Variants in CLTCL1 observed in about 807,000 individuals in gnomAD.
CLTCL1 encodes the protein clathrin heavy chain 2.
Under a neutral mutation model 190.0 loss-of-function variants are expected in CLTCL1, and 159 were observed. The ratio of observed to expected loss-of-function variants is 0.84; its 90% CI spans 0.74 to 0.95. The LOEUF (loss-of-function observed/expected upper bound fraction) is 0.95. CLTCL1 is among the 40% of genes least tolerant of loss of function. The probability of loss-of-function intolerance (pLI) is 0.00; values close to 1 mark genes in which losing one functional copy is unlikely to be tolerated. For missense variants in CLTCL1, 1,878 were observed against 2,033.4 expected (o/e 0.92, Z 1.47); for synonymous variants, 752 against 769.6 (o/e 0.98, Z 0.38).
intron 2 of CLTCL1, among the ~76,000 whole-genome samples, chr22:19,262,996 A>T (rs2087000880): frequency 6.7e-6 from 1 of 150,236 alleles, no homozygotes. Flanking sequence ...ACGCCACTGC[A>T]CTCCAGCCTG....
intron 20 of CLTCL1, 200 bp from the exon 21 acceptor site, chr22:19,209,314 G>A (rs1040987985): frequency 1.0e-5 from 5 of 489,270 alleles, no homozygotes; most frequent in Admixed American, 3.6e-5. Context: ...GGGGGATGCC[G>A]AACAAAGAAG....
chr22:19,263,850 G>A (rs1044707121), intron 2 of CLTCL1, among the ~76,000 whole-genome samples: 1 of 152,046 alleles, frequency 6.6e-6, no homozygotes, highest in Non-Finnish European at 1.5e-5. Context: ...ACTCACTATT[G>A]TAATATTCTT....
chr22:19,271,203 A>G (rs1555980526), intron 2 of CLTCL1, among the ~76,000 whole-genome samples: 1 of 152,174 alleles, frequency 6.6e-6, no homozygotes, highest in Non-Finnish European at 1.5e-5. Context: ...AGAGATACAT[A>G]TAAATACTGA....
intron 3 of CLTCL1, among the ~76,000 whole-genome samples, chr22:19,250,131 G>A (rs978457533): frequency 6.6e-6 from 1 of 151,838 alleles, no homozygotes; most frequent in Admixed American, 6.6e-5. Context: ...GCACACACCT[G>A]TAGTCCCAGC....
intron 1 of CLTCL1, 149 bp from the exon 2 acceptor site, chr22:19,275,979 G>A (rs577915716): frequency 3.0e-5 from 20 of 676,780 alleles, no homozygotes; most frequent in African/African-American, 1.1e-4. Context: ...GCTTTTCTAC[G>A]CCTGTAATAG....
intron 22 of CLTCL1, among the ~76,000 whole-genome samples, chr22:19,203,269 C>G (rs1369507389): frequency 1.3e-5 from 2 of 152,154 alleles, no homozygotes; most frequent in East Asian, 3.8e-4. Flanking sequence ...GAGCTGAGAT[C>G]GCACCACTGC....
rs190959211 is a variant in CLTCL1, at chr22:19,180,842, A to C, written c.4828-36T>G. On this transcript the variant is annotated intron_variant, in intron 30 of 32. Coordinates refer to ENST00000427926, the MANE Select transcript of CLTCL1 (RefSeq NM_007098.4). ...GCAAAAGCACGTGAGCACCCGCTTG[A>C]CAGAGTGCAGTCCGGCCTCTAGGTG... 6.1e-4 allele frequency: 980 copies of C among 1,596,662 alleles called. 7 individuals carry two copies. The African/African-American group carries it at 0.011, about 18-fold the overall frequency.
At chr22:19,196,051 C>T (rs534572141) in intron 26 of CLTCL1, among the ~76,000 whole-genome samples, 9 of 152,160 alleles carry the variant, frequency 5.9e-5, no homozygotes, top group African/African-American at 9.6e-5. Context: ...AGCTGTGCAT[C>T]GCTAGACGGG....
At chr22:19,189,346 T>A (rs1252563708) in intron 27 of CLTCL1, among the ~76,000 whole-genome samples, 24 of 152,264 alleles carry the variant, frequency 1.6e-4, no homozygotes, top group African/African-American at 5.5e-4. Context: ...CAATGCTCTT[T>A]GATAGCACTG....
intron 2 of CLTCL1, among the ~76,000 whole-genome samples, chr22:19,261,909 T>C (rs2086961015): frequency 6.6e-6 from 1 of 152,222 alleles, no homozygotes; most frequent in South Asian, 2.1e-4. Flanking sequence ...CTGGAAGAAG[T>C]CTACTGTGGG....
At chr22:19,213,553 T>A (rs1158566088) in intron 19 of CLTCL1, among the ~76,000 whole-genome samples, 2 of 152,130 alleles carry the variant, frequency 1.3e-5, no homozygotes, top group African/African-American at 4.8e-5. Context: ...GGTGAAGAGA[T>A]CCTGTGGTAC....
chr22:19,283,532 C>T (rs959726443), intron 1 of CLTCL1, among the ~76,000 whole-genome samples: 1 of 152,072 alleles, frequency 6.6e-6, no homozygotes. Context: ...CCACTTTCCT[C>T]GGCCTCCCAA....
chr22:19,221,339 C>CA, intron 17 of CLTCL1, 38 bp downstream of exon 17: 1 of 1,481,786 alleles, frequency 6.7e-7, no homozygotes, highest in African/African-American at 1.4e-5. Context: ...CCTGGGAGCC[C>CA]AGGGTTACAT....
intron 2 of CLTCL1, chr22:19,257,896 A>T: frequency 1.5e-6 from 2 of 1,358,244 alleles, no homozygotes; most frequent in African/African-American, 1.5e-5. Context: ...CAGGTCAGAG[A>T]CTGGGCCATT....
intron 1 of CLTCL1, among the ~76,000 whole-genome samples, chr22:19,285,254 A>G (rs2087865595): frequency 3.3e-5 from 5 of 152,108 alleles, no homozygotes; most frequent in Admixed American, 3.3e-4. Flanking sequence ...CAGCCTGGGC[A>G]ACAGAACAAG....
chr22:19,196,751 G>A (rs2084722155), intron 24 of CLTCL1, 95 bp from the exon 25 acceptor site: 3 of 1,373,792 alleles, frequency 2.2e-6, no homozygotes, highest in Non-Finnish European at 3.0e-6. Flanking sequence ...CTGTGCTTGT[G>A]ACTGGGAATG....
intron 22 of CLTCL1, among the ~76,000 whole-genome samples, chr22:19,207,303 C>T (rs1401960086): frequency 1.3e-5 from 2 of 152,168 alleles, no homozygotes; most frequent in Non-Finnish European, 2.9e-5. Flanking sequence ...AGGCATGAGC[C>T]ACCATGCCCA....
In CLTCL1 at chr22:19,196,608, C is replaced by G. The variant is rs1304287874; in HGVS notation, c.3922G>C (p.Gly1308Arg). 3 of 1,613,568 alleles carry G rather than the reference C, an allele frequency of 1.9e-6. No individual in the cohort carries two copies. Among genetic ancestry groups the G allele is most frequent in the Non-Finnish European group, 2.5e-6 (3 of 1,179,784 alleles). The change falls in exon 25 of 33, where the codon GGC (glycine) becomes CGC (arginine). Residue 1308 changes from glycine (G) to arginine (R), a missense_variant. Gly to Arg is a moderately radical substitution (Grantham distance 125). Coordinates refer to ENST00000427926, the MANE Select transcript of CLTCL1 (RefSeq NM_007098.4). The part of the protein sequence containing the change: ...ELILLLEAAL[G>R]LERAHMGMFT... ...ATGCCCATGTGGGCCCGCTCCAGGC[C>G]CAGGGCCGCTTCCAACAGCAAGATC...
intron 1 of CLTCL1, among the ~76,000 whole-genome samples, chr22:19,285,159 C>T (rs2087861542): frequency 6.6e-6 from 1 of 150,388 alleles, no homozygotes; most frequent in Admixed American, 6.6e-5. Context: ...CCTGTAGTCC[C>T]AGCTACTCGG....
Sources: allele counts gnomAD v4.1 joint callset (sites outside exome capture counted in the v4.1 genomes callset), GRCh38; gene constraint gnomAD v4.1.1; transcripts MANE v1.5; gene names NCBI Gene and HGNC (gene_info 2026-07-23, HGNC 2026-07-21).